Variants in HIBCH observed in about 807,000 individuals in gnomAD.
HIBCH encodes 3-hydroxyisobutyryl-CoA hydrolase, also known as 3-hydroxyisobutyryl-CoA hydrolase, mitochondrial.
In HIBCH, 50 loss-of-function variants were observed where a neutral mutation model predicts 58.2. The ratio of observed to expected loss-of-function variants is 0.86; its 90% CI spans 0.68 to 1.09. The LOEUF (loss-of-function observed/expected upper bound fraction) is 1.09. Among genes scored for constraint, HIBCH ranks in the 50% least tolerant of loss-of-function variants. HIBCH has a pLI of 0.00. For synonymous variants in HIBCH, 151 were observed against 146.9 expected, an observed-to-expected ratio of 1.03 and a Z score of -0.20; for missense variants, 450 against 449.7, an observed-to-expected ratio of 1.00 and a Z score of -0.01.
chr2:190,279,612 A>C lies in HIBCH; in HGVS notation c.438+7974T>G, dbSNP rs1429660017. On this transcript the variant is annotated intron_variant, in intron 6 of 13. Transcript: ENST00000359678. The surrounding 1 kb of genome is among the most constrained non-coding windows in gnomAD (Gnocchi z 4.2). Reference sequence around the variant, plus strand: ...TTAGGAATAAATAGTAAATTCTCTTAGAAGCAAAATTTATTCAAAGACCTG... The same window carrying C: ...TTAGGAATAAATAGTAAATTCTCTTCGAAGCAAAATTTATTCAAAGACCTG... 6.6e-6 allele frequency among the ~76,000 whole-genome samples: 1 copy of C among 152,244 alleles called. No individual in the cohort carries two copies. Among genetic ancestry groups the C allele is most frequent in the African/African-American group, 2.4e-5 (1 of 41,470 alleles).
intron 6 of HIBCH, among the ~76,000 whole-genome samples, chr2:190,265,344 A>G (rs912160118): frequency 4.6e-5 from 7 of 152,006 alleles, no homozygotes; most frequent in Non-Finnish European, 8.8e-5. Flanking sequence ...CATATCCTTG[A>G]TGATTAATAC....
chr2:190,287,476 T>C lies in HIBCH; in HGVS notation c.438+110A>G. ...GATCCAAAATCCACACAATTATGTT[T>C]CAATGAGTTCTATTATATTACATTC... On this transcript the variant is annotated intron_variant, in intron 6 of 13. Transcript: ENST00000359678. 3 of 765,288 alleles carry C rather than the reference T, an allele frequency of 3.9e-6. No individual in the cohort carries two copies. In the South Asian group the frequency reaches 4.7e-5, roughly 12 times the overall value. 47.4% of individuals were successfully genotyped at this position (765,288 alleles called of 1,614,324 possible).
chr2:190,258,100 G>A (rs760540906), intron 7 of HIBCH, among the ~76,000 whole-genome samples: 3 of 152,082 alleles, frequency 2.0e-5, no homozygotes, highest in Non-Finnish European at 4.4e-5. Context: ...GGTCATGGGG[G>A]CAGATTTCCC....
chr2:190,267,352 A>G (rs1216652951), intron 6 of HIBCH, among the ~76,000 whole-genome samples: 2 of 152,028 alleles, frequency 1.3e-5, no homozygotes, highest in Non-Finnish European at 2.9e-5. Context: ...TTACAGGCGC[A>G]TGCCCTGCTA....
In HIBCH at chr2:190,243,508, G is replaced by A. The variant is rs971017461; in HGVS notation, c.891+1379C>T. ...CTTGAATTATAAAATGACTATTGAT[G>A]TAAACATTCCTGGAAGTTGTTAATA... On this transcript the variant is annotated intron_variant, in intron 11 of 13. Coordinates refer to ENST00000359678, the MANE Select transcript of HIBCH (RefSeq NM_014362.4). The surrounding 1 kb of genome is among the most constrained non-coding windows in gnomAD (Gnocchi z 4.1). 6.6e-6 allele frequency among the ~76,000 whole-genome samples: 1 copy of A among 152,138 alleles called. No individual in the cohort carries two copies. The highest frequency in any genetic ancestry group is 2.4e-5 in the African/African-American group (1 of 41,426).
At position 190,261,246 on chromosome 2, in the gene HIBCH, AG is replaced by A; in HGVS notation, c.439-13del. On this transcript the variant is annotated splice_polypyrimidine_tract_variant and intron_variant, in intron 6 of 13. Transcript: ENST00000359678. ...GAGAGACCAACTCCCTAGAGAAAAA[AG>A]GCAAAAAAAGAGGCGGGGGGGAATT... The A allele has an allele frequency of 2.5e-6, 4 of 1,596,684 alleles. No individual in the cohort carries two copies. The highest frequency in any genetic ancestry group is 1.3e-5 in the African/African-American group (1 of 74,624).
chr2:190,294,192 T>C (rs1007017107), intron 4 of HIBCH, among the ~76,000 whole-genome samples: 4 of 151,938 alleles, frequency 2.6e-5, no homozygotes, highest in Admixed American at 1.3e-4. Context: ...CATGGCCAGA[T>C]AGTCAGGTTA....
intron 1 of HIBCH, among the ~76,000 whole-genome samples, chr2:190,319,120 A>T (rs1241241013): frequency 6.6e-6 from 1 of 152,228 alleles, no homozygotes; most frequent in Non-Finnish European, 1.5e-5. Context: ...TGCAGCCTAA[A>T]GATGATGGCT....
At chr2:190,308,886 A>C (rs1290039057) in intron 2 of HIBCH, among the ~76,000 whole-genome samples, 1 of 152,214 alleles carries the variant, frequency 6.6e-6, no homozygotes, top group Non-Finnish European at 1.5e-5. Context: ...CGTACAAAGT[A>C]AATCTATGAA....
At chr2:190,313,354 C>T (rs1469078607) in intron 1 of HIBCH, among the ~76,000 whole-genome samples, 1 of 152,178 alleles carries the variant, frequency 6.6e-6, no homozygotes, top group Non-Finnish European at 1.5e-5. Flanking sequence ...TGAGGTCCCA[C>T]TCCAGCCAAT....
At chr2:190,264,147 C>T (rs1687167009) in intron 6 of HIBCH, among the ~76,000 whole-genome samples, 1 of 152,194 alleles carries the variant, frequency 6.6e-6, no homozygotes, top group Admixed American at 6.5e-5. Context: ...TCCCTTCACA[C>T]TAAAATATTA....
At chr2:190,312,892 A>C (rs1688595918) in intron 1 of HIBCH, among the ~76,000 whole-genome samples, 1 of 152,162 alleles carries the variant, frequency 6.6e-6, no homozygotes, top group Admixed American at 6.5e-5. Context: ...TGAGGTCAGG[A>C]GTTTCAGACC....
At chr2:190,219,591 GC>G (rs1437807812) in intron 11 of HIBCH, among the ~76,000 whole-genome samples, 1 of 152,172 alleles carries the variant, frequency 6.6e-6, no homozygotes, top group Non-Finnish European at 1.5e-5. Flanking sequence ...GAGCCCCTGA[GC>G]TAACTAGGAT....
At chr2:190,244,097 T>C (rs1482952230) in intron 11 of HIBCH, among the ~76,000 whole-genome samples, 1 of 152,000 alleles carries the variant, frequency 6.6e-6, no homozygotes, top group African/African-American at 2.4e-5. Context: ...CATCTATAAA[T>C]AGAAAACATT....
At chr2:190,317,618 A>C (rs1036552312) in intron 1 of HIBCH, among the ~76,000 whole-genome samples, 3 of 152,194 alleles carry the variant, frequency 2.0e-5, no homozygotes, top group African/African-American at 7.2e-5. Context: ...TAACCTGGCA[A>C]TCTTGTACAG....
chr2:190,237,802 TA>T (rs1163591939), intron 11 of HIBCH, among the ~76,000 whole-genome samples: 10 of 152,090 alleles, frequency 6.6e-5, no homozygotes, highest in Non-Finnish European at 1.5e-4. Flanking sequence ...GTATTTCTCC[TA>T]ATGCTCTCCC....
rs149774013 is a variant in HIBCH, at chr2:190,237,477, G to C, written c.891+7410C>G. Among the ~76,000 whole-genome samples the C allele has an allele frequency of 2.0e-4, 30 of 152,218 alleles. No homozygotes were observed. In the East Asian group the frequency reaches 5.6e-3, roughly 28 times the overall value. On this transcript the variant is annotated intron_variant, in intron 11 of 13. Coordinates refer to ENST00000359678, the MANE Select transcript of HIBCH (RefSeq NM_014362.4). Reference sequence around the variant, plus strand: ...ATTAATATGCATTCAGCTGTTTCTAGATTTTGGCTATTATGAACAAAGTTC... The same window carrying C: ...ATTAATATGCATTCAGCTGTTTCTACATTTTGGCTATTATGAACAAAGTTC...
At chr2:190,251,319 C>A (rs538732665) in intron 8 of HIBCH, among the ~76,000 whole-genome samples, 2 of 152,110 alleles carry the variant, frequency 1.3e-5, no homozygotes, top group Non-Finnish European at 2.9e-5. Context: ...GCTGACTTTA[C>A]CCCACAGATT....
At position 190,254,507 on chromosome 2, in the gene HIBCH, G is replaced by A. The variant is rs542229164; in HGVS notation, c.518-2200C>T. ...CAGCCCTAAAAGTTTAATACACTGC[G>A]AAATCACTCATGCCTTCTCCCGTGA... On this transcript the variant is annotated intron_variant, in intron 7 of 13. Transcript: ENST00000359678. This position sits in a 1 kb window ranked among gnomAD's most constrained non-coding sequence, Gnocchi z 5.0. Among the ~76,000 whole-genome samples, 2 of 152,262 alleles carry A rather than the reference G, an allele frequency of 1.3e-5. No homozygotes were observed. The highest frequency in any genetic ancestry group is 1.3e-4 in the Admixed American group (2 of 15,302).
Sources: gnomAD v4.1 joint callset for allele counts (sites outside exome capture counted in the v4.1 genomes callset) on GRCh38, gnomAD v4.1.1 for gene constraint, Gnocchi (gnomAD v3.1) non-coding constraint, MANE v1.5 for transcripts, NCBI Gene and HGNC (gene_info 2026-07-23, HGNC 2026-07-21) for gene names.